SLC2A13: variants seen among roughly 807,000 people sequenced by gnomAD.
The protein encoded by SLC2A13 is solute carrier family 2 member 13.
Under a neutral mutation model 64.4 loss-of-function variants are expected in SLC2A13, and 32 were observed. The ratio of observed to expected loss-of-function variants is 0.50; its 90% CI spans 0.37 to 0.67. The LOEUF (loss-of-function observed/expected upper bound fraction) is 0.67, where lower values mean the gene tolerates loss of function less well. Ranked by LOEUF, SLC2A13 falls within the 30% of genes least tolerant of loss-of-function variation. The probability of loss-of-function intolerance (pLI) is 0.00; values close to 1 mark genes in which losing one functional copy is unlikely to be tolerated. For synonymous variants in SLC2A13, 338 were observed against 327.1 expected, an observed-to-expected ratio of 1.03 and a Z score of -0.36; for missense variants, 743 against 829.2, an observed-to-expected ratio of 0.90 and a Z score of 1.28.
chr12:39,851,215 T>C (rs1422313316), intron 6 of SLC2A13, among the ~76,000 whole-genome samples: 1 of 152,194 alleles, frequency 6.6e-6, no homozygotes, highest in East Asian at 1.9e-4. Context: ...TAAATGTTTA[T>C]AGAAACACTA....
At chr12:39,815,414 T>C (rs1942312274) in intron 7 of SLC2A13, among the ~76,000 whole-genome samples, 1 of 152,216 alleles carries the variant, frequency 6.6e-6, no homozygotes, top group African/African-American at 2.4e-5. Flanking sequence ...GAAGAATAAA[T>C]CGAACAGGTT....
chr12:40,072,564 A>C (rs1014951328), intron 1 of SLC2A13, among the ~76,000 whole-genome samples: 10 of 152,070 alleles, frequency 6.6e-5, no homozygotes, highest in Non-Finnish European at 1.5e-4. Context: ...GAATTTGGTC[A>C]CTCTGTTATT....
intron 3 of SLC2A13, among the ~76,000 whole-genome samples, chr12:39,973,256 G>A (rs766296216): frequency 3.9e-5 from 6 of 152,096 alleles, no homozygotes; most frequent in South Asian, 2.1e-4. Context: ...TAAACTAAGC[G>A]CAGCATTGGA....
chr12:40,058,932 A>T (rs2136249359), intron 1 of SLC2A13, among the ~76,000 whole-genome samples: 1 of 152,280 alleles, frequency 6.6e-6, no homozygotes, highest in Middle Eastern at 3.4e-3. Context: ...ATTAAAATAA[A>T]CCCATGTATT....
At chr12:39,859,333 G>T (rs1024837030) in intron 6 of SLC2A13, among the ~76,000 whole-genome samples, 97 of 62,016 alleles carry the variant, frequency 1.6e-3, no homozygotes, top group Middle Eastern at 0.011. Flanking sequence ...TTTTTTTTCT[G>T]AAAAAAAAAA....
Position 39,759,878 on chromosome 12 carries a change from T to A in SLC2A13, c.*148A>T, listed in dbSNP as rs1046481232. 1 of 606,842 alleles carries A rather than the reference T, an allele frequency of 1.6e-6. No homozygotes were observed. The highest frequency in any genetic ancestry group is 2.9e-6 in the Non-Finnish European group (1 of 347,342). 37.6% of individuals were successfully genotyped at this position (606,842 alleles called of 1,614,324 possible). A position where few individuals can be genotyped will look rare whatever the true frequency, so the allele number is the denominator to read the frequency against. ...AAAAAAAAGTCATCATGGTTGTATC[T>A]TCCTCCTAATCAAGTATTCTAGAAT... On this transcript the variant is annotated 3_prime_UTR_variant, in exon 10 of 10. Transcript: ENST00000280871.
intron 4 of SLC2A13, among the ~76,000 whole-genome samples, chr12:39,931,901 T>G (rs1327768465): frequency 6.6e-6 from 1 of 152,056 alleles, no homozygotes; most frequent in Non-Finnish European, 1.5e-5. Flanking sequence ...TTAATTCATT[T>G]TATATAATAG....
chr12:40,025,450 A>C (rs551720549), intron 3 of SLC2A13, among the ~76,000 whole-genome samples: 1 of 152,340 alleles, frequency 6.6e-6, no homozygotes, highest in South Asian at 2.1e-4. Flanking sequence ...GAGAAGGATC[A>C]CATATGCAAG....
chr12:40,048,623 T>C (rs1002132329), intron 1 of SLC2A13, among the ~76,000 whole-genome samples: 1 of 152,166 alleles, frequency 6.6e-6, no homozygotes, highest in Non-Finnish European at 1.5e-5. Flanking sequence ...AGGATACATA[T>C]TAACTATTCA....
At chr12:40,096,491 T>C (rs1418732680) in intron 1 of SLC2A13, among the ~76,000 whole-genome samples, 1 of 151,716 alleles carries the variant, frequency 6.6e-6, no homozygotes, top group Non-Finnish European at 1.5e-5. Context: ...AAAGATGTCA[T>C]CAATATAGAT....
At chr12:40,000,960 A>G (rs972599762) in intron 3 of SLC2A13, among the ~76,000 whole-genome samples, 1 of 152,222 alleles carries the variant, frequency 6.6e-6, no homozygotes, top group Non-Finnish European at 1.5e-5. Flanking sequence ...TGCCACACAC[A>G]GGCTGCAATG....
At chr12:40,089,492 A>C (rs907896351) in intron 1 of SLC2A13, among the ~76,000 whole-genome samples, 1 of 152,192 alleles carries the variant, frequency 6.6e-6, no homozygotes, top group African/African-American at 2.4e-5. Context: ...TCTCAATTGT[A>C]ATCAATAAAG....
At chr12:40,078,428 T>C (rs190560501) in intron 1 of SLC2A13, among the ~76,000 whole-genome samples, 2 of 151,916 alleles carry the variant, frequency 1.3e-5, no homozygotes, top group Admixed American at 1.3e-4. Flanking sequence ...TTCAGTTTTA[T>C]GTGATAAATC....
At chr12:39,805,529 CCA>C (rs1941950917) in intron 7 of SLC2A13, among the ~76,000 whole-genome samples, 1 of 150,722 alleles carries the variant, frequency 6.6e-6, no homozygotes, top group Admixed American at 6.6e-5. Flanking sequence ...TTTTTTTTCC[CCA>C]GAGACTTTAT....
At chr12:40,068,523 T>C (rs145977705) in intron 1 of SLC2A13, 11 of 247,548 alleles carry the variant, frequency 4.4e-5, no homozygotes, top group African/African-American at 6.9e-5. Context: ...CTTTCCACTT[T>C]TCATAACAAG....
At chr12:39,771,822 T>TGTA (rs1940588814) in intron 7 of SLC2A13, among the ~76,000 whole-genome samples, 1 of 152,152 alleles carries the variant, frequency 6.6e-6, no homozygotes, top group Admixed American at 6.5e-5. Context: ...AAAATGTGGC[T>TGTA]GCAGCCTACC....
rs1173594437 is a variant in SLC2A13, at chr12:40,105,605, C to T, written c.204G>A (p.Ala68=). The T allele has an allele frequency of 1.3e-6, 2 of 1,521,914 alleles. No individual in the cohort carries two copies. Among genetic ancestry groups the T allele is most frequent in the Non-Finnish European group, 1.8e-6 (2 of 1,137,194 alleles). 94.3% of individuals were successfully genotyped at this position (1,521,914 alleles called of 1,614,324 possible). A position where few individuals can be genotyped will look rare whatever the true frequency, so the allele number is the denominator to read the frequency against. Residue 68 remains alanine (A), a synonymous_variant, in exon 1 of 10, where the codon GCG becomes GCA. Coordinates refer to ENST00000280871, the MANE Select transcript of SLC2A13 (RefSeq NM_052885.4). The surrounding 1 kb of genome is among the most constrained non-coding windows in gnomAD (Gnocchi z 4.2). ...GGGVGDLERA[A]RRQFQQDETP... ...TCTCGTCCTGCTGGAACTGCCGCCG[C>T]GCCGCGCGCTCCAGGTCCCCGACGC...
chr12:39,843,162 C>T (rs1943220275), intron 6 of SLC2A13, among the ~76,000 whole-genome samples: 1 of 152,004 alleles, frequency 6.6e-6, no homozygotes, highest in African/African-American at 2.4e-5. Context: ...GGTCATATAA[C>T]TATACATATG....
intron 3 of SLC2A13, among the ~76,000 whole-genome samples, chr12:39,956,174 A>G (rs1348642381): frequency 1.3e-5 from 2 of 152,184 alleles, no homozygotes; most frequent in Admixed American, 1.3e-4. Context: ...AAACTCACTC[A>G]AGAAGAAATA....
Sources: gnomAD v4.1 joint callset for allele counts (sites outside exome capture counted in the v4.1 genomes callset) on GRCh38, gnomAD v4.1.1 for gene constraint, Gnocchi (gnomAD v3.1) non-coding constraint, MANE v1.5 for transcripts, NCBI Gene and HGNC (gene_info 2026-07-23, HGNC 2026-07-21) for gene names.